The following AMPH variants were observed in gnomAD, a reference collection of about 807,000 sequenced individuals.
The protein encoded by AMPH is amphiphysin (Stiff-Mann syndrome with breast cancer 128kD autoantigen).
A neutral mutation model predicts 99.1 loss-of-function variants in AMPH; 49 were observed. The ratio of observed to expected loss-of-function variants is 0.49; its 90% CI spans 0.39 to 0.63. The LOEUF (loss-of-function observed/expected upper bound fraction) is 0.63, where lower values mean the gene tolerates loss of function less well. Among genes scored for constraint, AMPH ranks in the 20% least tolerant of loss-of-function variants. The probability of loss-of-function intolerance (pLI) is 0.00; values close to 1 mark genes in which losing one functional copy is unlikely to be tolerated. For synonymous variants in AMPH, 314 were observed against 317.3 expected, an observed-to-expected ratio of 0.99 and a Z score of 0.11; for missense variants, 759 against 863.4, an observed-to-expected ratio of 0.88 and a Z score of 1.52.
intron 1 of AMPH, among the ~76,000 whole-genome samples, chr7:38,564,490 A>C (rs528452144): frequency 3.2e-4 from 48 of 152,306 alleles, no homozygotes; most frequent in African/African-American, 1.1e-3. Context: ...GAAGGTACTG[A>C]GCATGTGGAC....
intron 1 of AMPH, among the ~76,000 whole-genome samples, chr7:38,540,128 G>A (rs1304058108): frequency 2.6e-5 from 4 of 152,168 alleles, no homozygotes; most frequent in African/African-American, 9.7e-5. Context: ...ACATCAACAT[G>A]ACACATCTTC....
At chr7:38,480,866 A>T (rs1283674722) in intron 5 of AMPH, among the ~76,000 whole-genome samples, 1 of 152,188 alleles carries the variant, frequency 6.6e-6, no homozygotes, top group Non-Finnish European at 1.5e-5. Flanking sequence ...CTTGCCTTCT[A>T]GCCTGGGGCA....
intron 1 of AMPH, among the ~76,000 whole-genome samples, chr7:38,613,246 G>C (rs1793747905): frequency 6.6e-6 from 1 of 152,144 alleles, no homozygotes; most frequent in Non-Finnish European, 1.5e-5. Context: ...TAGCATTTCA[G>C]CTTATATTTT....
chr7:38,595,097 G>A (rs933481082), intron 1 of AMPH, among the ~76,000 whole-genome samples: 4 of 152,168 alleles, frequency 2.6e-5, no homozygotes, highest in Non-Finnish European at 5.9e-5. Flanking sequence ...AGGGCTCTGA[G>A]CTCCATGACC....
chr7:38,621,919 A>T (rs1794082202), intron 1 of AMPH, among the ~76,000 whole-genome samples: 1 of 152,230 alleles, frequency 6.6e-6, no homozygotes, highest in African/African-American at 2.4e-5. Context: ...ACTTAAATTT[A>T]GATCTCAAAT....
chr7:38,400,101 G>C (rs952195924), intron 17 of AMPH, among the ~76,000 whole-genome samples: 1 of 151,998 alleles, frequency 6.6e-6, no homozygotes, highest in East Asian at 1.9e-4. Context: ...TTGAAATGAA[G>C]TCTCACTCTT....
At chr7:38,440,547 T>C (rs1562756575) in intron 11 of AMPH, among the ~76,000 whole-genome samples, 2 of 152,028 alleles carry the variant, frequency 1.3e-5, no homozygotes, top group Non-Finnish European at 2.9e-5. Context: ...AAAAAGATAA[T>C]TGGCTGCTTA....
rs1286448965 is a variant in AMPH at position 38,473,560 on chromosome 7, C to T, written c.590+1771G>A. 2.2e-4 allele frequency among the ~76,000 whole-genome samples: 23 copies of T among 105,070 alleles called. 3 individuals carry two copies. Among genetic ancestry groups the T allele is most frequent in the East Asian group, 3.7e-4 (1 of 2,738 alleles). 68.9% of individuals were successfully genotyped at this position (105,070 alleles called of 152,430 possible). A position where few individuals can be genotyped will look rare whatever the true frequency, so the allele number is the denominator to read the frequency against. On this transcript the variant is annotated intron_variant, in intron 7 of 20. Transcript: ENST00000356264. ...TCTACTAAAAATACAAAAAATTAGC[C>T]GGGCGCGGTGGCGGGCGCCTGTAGT...
At chr7:38,573,510 TA>T (rs1026153982) in intron 1 of AMPH, among the ~76,000 whole-genome samples, 1 of 152,230 alleles carries the variant, frequency 6.6e-6, no homozygotes, top group African/African-American at 2.4e-5. Context: ...TAAAGCCTAT[TA>T]ACTCCATGTT....
intron 17 of AMPH, among the ~76,000 whole-genome samples, chr7:38,411,968 A>C (rs1399531533): frequency 6.6e-6 from 1 of 152,218 alleles, no homozygotes; most frequent in Non-Finnish European, 1.5e-5. Context: ...AAAAGTATAC[A>C]CCAAGGCAGA....
At chr7:38,476,490 C>T (rs958921875) in intron 6 of AMPH, among the ~76,000 whole-genome samples, 2 of 152,104 alleles carry the variant, frequency 1.3e-5, no homozygotes, top group South Asian at 2.1e-4. Context: ...TCCACACATC[C>T]GTACTCTCAG....
chr7:38,610,282 A>T (rs1341282806), intron 1 of AMPH, among the ~76,000 whole-genome samples: 1 of 34,490 alleles, frequency 2.9e-5, no homozygotes, highest in Non-Finnish European at 5.6e-5. Context: ...GAAAGAAAGA[A>T]AGAAAGAAAG....
intron 1 of AMPH, among the ~76,000 whole-genome samples, chr7:38,556,049 T>G (rs193266394): frequency 1.3e-5 from 2 of 152,094 alleles, no homozygotes; most frequent in Admixed American, 1.3e-4. Flanking sequence ...AACCTCAGTA[T>G]CACACAATAT....
chr7:38,444,331 TGTAA>T (rs1157776056), intron 11 of AMPH, among the ~76,000 whole-genome samples: 10 of 152,244 alleles, frequency 6.6e-5, no homozygotes, highest in African/African-American at 2.4e-4. Context: ...ATCTGGAACC[TGTAA>T]GTGTGTCCTT....
chr7:38,387,443 T>A (rs995898490), intron 20 of AMPH, among the ~76,000 whole-genome samples: 3 of 152,140 alleles, frequency 2.0e-5, no homozygotes, highest in Admixed American at 6.5e-5. Context: ...GAAACCCATA[T>A]GAAATAACAA....
At chr7:38,473,369 A>T (rs1787953753) in intron 7 of AMPH, among the ~76,000 whole-genome samples, 1 of 152,190 alleles carries the variant, frequency 6.6e-6, no homozygotes, top group Non-Finnish European at 1.5e-5. Context: ...TAAGGACAAA[A>T]ACAAGTGATG....
chr7:38,598,960 T>C (rs1793154277), intron 1 of AMPH, among the ~76,000 whole-genome samples: 1 of 152,160 alleles, frequency 6.6e-6, no homozygotes, highest in South Asian at 2.1e-4. Context: ...AAACAACTGC[T>C]TTTTCCCTGA....
chr7:38,546,171 C>A (rs1248957853), intron 1 of AMPH, among the ~76,000 whole-genome samples: 1 of 152,166 alleles, frequency 6.6e-6, no homozygotes, highest in Non-Finnish European at 1.5e-5. Flanking sequence ...AGAGATGCTG[C>A]CCCTTCTGGC....
At chr7:38,551,295 A>C (rs543633136) in intron 1 of AMPH, among the ~76,000 whole-genome samples, 3 of 152,290 alleles carry the variant, frequency 2.0e-5, no homozygotes, top group Non-Finnish European at 4.4e-5. Flanking sequence ...TTCTTCCTCC[A>C]AAACCTAAGG....
Sources: gnomAD v4.1 joint callset for allele counts (sites outside exome capture counted in the v4.1 genomes callset) on GRCh38, gnomAD v4.1.1 for gene constraint, MANE v1.5 for transcripts, NCBI Gene and HGNC (gene_info 2026-07-23, HGNC 2026-07-21) for gene names.